FSTL4: variants seen among roughly 807,000 people sequenced by gnomAD.
FSTL4 encodes follistatin-related protein 4.
Under a neutral mutation model 78.2 loss-of-function variants are expected in FSTL4, and 28 were observed. That is an observed-to-expected ratio of 0.36 (90% confidence interval 0.27 to 0.49). The LOEUF (loss-of-function observed/expected upper bound fraction) is 0.49. Among genes scored for constraint, FSTL4 ranks in the 20% least tolerant of loss-of-function variants. The pLI is 0.98. For synonymous variants in FSTL4, 422 were observed against 440.5 expected (o/e 0.96, Z 0.53); for missense variants, 922 against 1,084.9 (o/e 0.85, Z 2.11).
intron 12 of FSTL4, among the ~76,000 whole-genome samples, chr5:133,220,303 G>A (rs1284644334): frequency 6.6e-6 from 1 of 152,248 alleles, no homozygotes; most frequent in Admixed American, 6.5e-5. Flanking sequence ...AGCCCTGGGG[G>A]AGGCCTCCTA....
At chr5:133,806,130 T>C in the FSTL4 span, among the ~76,000 whole-genome samples, 1 of 152,232 alleles carries the variant, frequency 6.6e-6, no homozygotes, top group African/African-American at 2.4e-5. Flanking sequence ...TTGAGTCATG[T>C]AGCAAAAAAT....
chr5:133,751,931 G>A, the FSTL4 span, among the ~76,000 whole-genome samples: 1 of 152,184 alleles, frequency 6.6e-6, no homozygotes, highest in Non-Finnish European at 1.5e-5. Context: ...GACAAAGGAA[G>A]ACTCACTGGC....
chr5:133,263,789 G>A (rs971908025), intron 6 of FSTL4, among the ~76,000 whole-genome samples: 7 of 152,154 alleles, frequency 4.6e-5, no homozygotes, highest in African/African-American at 1.7e-4. Flanking sequence ...TAGAGAGGGA[G>A]AATTGTATGC....
At chr5:133,627,049 C>T in the FSTL4 span, among the ~76,000 whole-genome samples, 112 of 151,642 alleles carry the variant, frequency 7.4e-4, no homozygotes, top group African/African-American at 2.5e-3. Flanking sequence ...ACCTGCTTCA[C>T]GTATTTTGTA....
intron 4 of FSTL4, among the ~76,000 whole-genome samples, chr5:133,369,330 C>G (rs1021496291): frequency 3.3e-5 from 5 of 152,204 alleles, no homozygotes; most frequent in African/African-American, 1.2e-4. Flanking sequence ...GCAGCATGGG[C>G]GGTCCCTCTG....
intron 6 of FSTL4, among the ~76,000 whole-genome samples, chr5:133,297,890 C>T (rs1174282061): frequency 6.6e-6 from 1 of 152,208 alleles, no homozygotes; most frequent in East Asian, 1.9e-4. Flanking sequence ...GCGTCGGGAC[C>T]AACAGTCCCC....
At chr5:133,303,921 G>A (rs1753603609) in intron 6 of FSTL4, among the ~76,000 whole-genome samples, 1 of 152,202 alleles carries the variant, frequency 6.6e-6, no homozygotes. Flanking sequence ...GTGCTGGCAG[G>A]CCAAGGAGGC....
the FSTL4 span, among the ~76,000 whole-genome samples, chr5:133,680,349 G>A: frequency 1.3e-5 from 2 of 152,182 alleles, no homozygotes; most frequent in African/African-American, 4.8e-5. Flanking sequence ...TATGATCCAA[G>A]GATTTCCACC....
At position 133,225,075 on chromosome 5, in the gene FSTL4, T is replaced by C; in HGVS notation, c.1312+75A>G. The C allele has an allele frequency of 1.3e-6, 2 of 1,552,822 alleles. No individual in the cohort carries two copies. The highest frequency in any genetic ancestry group is 1.8e-6 in the Non-Finnish European group (2 of 1,127,786). ...TCATGGTTGGCAGCTGTGGCCCTGG[T>C]CAATTGGTGCCCTCCCTTGCCACCC... is the stretch of plus-strand genomic sequence containing the variant. On this transcript the variant is annotated intron_variant, in intron 10 of 15. Transcript: ENST00000265342. The surrounding 1 kb of genome is among the most constrained non-coding windows in gnomAD (Gnocchi z 4.6).
At chr5:133,830,122 G>T in the FSTL4 span, among the ~76,000 whole-genome samples, 1,336 of 152,306 alleles carry the variant, frequency 8.8e-3, 26 homozygotes, top group African/African-American at 0.031. Context: ...CACATCAGTG[G>T]ACAAATGGGC....
intron 2 of FSTL4, 59 bp downstream of exon 2, chr5:133,603,799 A>C: frequency 6.4e-7 from 1 of 1,555,150 alleles, no homozygotes; most frequent in Non-Finnish European, 8.9e-7. Context: ...GAAATCAGAT[A>C]CTGTAACATC....
intron 4 of FSTL4, among the ~76,000 whole-genome samples, chr5:133,370,359 C>T (rs1338365369): frequency 6.6e-6 from 1 of 152,084 alleles, no homozygotes; most frequent in Admixed American, 6.5e-5. Context: ...GCCTGCAGGC[C>T]AGCCTCTCTA....
chr5:133,516,765 G>C (rs1034416139), intron 3 of FSTL4, among the ~76,000 whole-genome samples: 1 of 152,144 alleles, frequency 6.6e-6, no homozygotes, highest in African/African-American at 2.4e-5. Flanking sequence ...AAACAATGGG[G>C]TATGGCAGCA....
chr5:133,833,925 T>C, the FSTL4 span, among the ~76,000 whole-genome samples: 2,377 of 152,284 alleles, frequency 0.016, 61 homozygotes, highest in African/African-American at 0.053. Context: ...ACCCACTCAA[T>C]CTAGCTCTTT....
chr5:133,286,019 C>A (rs1369884917), intron 6 of FSTL4, among the ~76,000 whole-genome samples: 2 of 152,234 alleles, frequency 1.3e-5, no homozygotes, highest in East Asian at 1.9e-4. Flanking sequence ...GGTGCCTGAG[C>A]ACAGCAGAAT....
At chr5:133,314,334 G>C (rs1420820573) in intron 5 of FSTL4, among the ~76,000 whole-genome samples, 2 of 152,234 alleles carry the variant, frequency 1.3e-5, no homozygotes, top group African/African-American at 4.8e-5. Flanking sequence ...TGGCAGGGCG[G>C]TTGCCCCGGG....
chr5:133,705,869 G>GCGCACACA, the FSTL4 span, among the ~76,000 whole-genome samples: 1 of 147,806 alleles, frequency 6.8e-6, no homozygotes, highest in Non-Finnish European at 1.5e-5. Flanking sequence ...ACACACACAC[G>GCGCACACA]CACACACACA....
At chr5:133,279,224 C>T (rs930395054) in intron 6 of FSTL4, among the ~76,000 whole-genome samples, 20 of 152,298 alleles carry the variant, frequency 1.3e-4, no homozygotes, top group African/African-American at 3.4e-4. Context: ...AGGAGGTGAG[C>T]GGCGGGCACT....
At chr5:133,346,109 G>A (rs1437097457) in intron 4 of FSTL4, among the ~76,000 whole-genome samples, 3 of 152,104 alleles carry the variant, frequency 2.0e-5, no homozygotes, top group Non-Finnish European at 2.9e-5. Flanking sequence ...GAATGAAGCC[G>A]GAAACCATCA....
Sources: allele counts gnomAD v4.1 joint callset (sites outside exome capture counted in the v4.1 genomes callset), GRCh38; gene constraint gnomAD v4.1.1; non-coding constraint Gnocchi (gnomAD v3.1); transcripts MANE v1.5; gene names NCBI Gene and HGNC (gene_info 2026-07-23, HGNC 2026-07-21).